The following KCND2 variants were observed in gnomAD, a reference collection of about 807,000 sequenced individuals.
KCND2 encodes potassium voltage-gated channel subfamily D member 2, also known as A-type voltage-gated potassium channel KCND2.
In KCND2, 16 loss-of-function variants were observed where a neutral mutation model predicts 54.4. The ratio of observed to expected loss-of-function variants is 0.29; its 90% CI spans 0.20 to 0.45. The LOEUF (loss-of-function observed/expected upper bound fraction) is 0.45. Among genes scored for constraint, KCND2 ranks in the 20% least tolerant of loss-of-function variants. The pLI is 1.00. For missense variants in KCND2, 486 were observed against 824.2 expected (o/e 0.59, Z 5.02); for synonymous variants, 317 against 310.7 (o/e 1.02, Z -0.21).
At chr7:120,589,347 T>C (rs1792641754) in intron 1 of KCND2, among the ~76,000 whole-genome samples, 1 of 152,256 alleles carries the variant, frequency 6.6e-6, no homozygotes, top group African/African-American at 2.4e-5. Flanking sequence ...ATTTAATTTT[T>C]ACCATTCTTA....
chr7:120,605,065 A>T (rs1792864324), intron 1 of KCND2, among the ~76,000 whole-genome samples: 1 of 152,338 alleles, frequency 6.6e-6, no homozygotes, highest in African/African-American at 2.4e-5. Flanking sequence ...ACATCAGTAC[A>T]TATAAGTCTG....
At chr7:120,488,516 T>C (rs959852844) in intron 1 of KCND2, among the ~76,000 whole-genome samples, 3 of 152,114 alleles carry the variant, frequency 2.0e-5, no homozygotes, top group African/African-American at 7.2e-5. Flanking sequence ...GTGTGATACA[T>C]AGAAAGAAAA....
chr7:120,510,624 ACT>A, intron 1 of KCND2, among the ~76,000 whole-genome samples: 2 of 152,148 alleles, frequency 1.3e-5, no homozygotes, highest in East Asian at 1.9e-4. Flanking sequence ...ATTTTTAATA[ACT>A]CTCTATGAAT....
In KCND2 at chr7:120,655,592, G is replaced by A. The variant is rs1372162313; in HGVS notation, c.1116-77311G>A. 2.0e-5 allele frequency among the ~76,000 whole-genome samples: 3 copies of A among 152,016 alleles called. No homozygotes were observed. In the East Asian group the frequency reaches 5.8e-4, roughly 29 times the overall value. On this transcript the variant is annotated intron_variant, in intron 1 of 5. Coordinates refer to ENST00000331113, the MANE Select transcript of KCND2 (RefSeq NM_012281.3). ...AAAAACATATTTCTTAAAGAGCATT[G>A]AGTTTTCCAGCAAACTCTCATGCTC...
At chr7:120,742,249 A>G (rs1206756322) in intron 3 of KCND2, 7 of 438,426 alleles carry the variant, frequency 1.6e-5, no homozygotes, top group Non-Finnish European at 2.5e-5. Flanking sequence ...TCTTACAAAC[A>G]TAGTTGCTAG....
intron 1 of KCND2, among the ~76,000 whole-genome samples, chr7:120,296,255 C>G (rs1398713781): frequency 6.6e-6 from 1 of 151,994 alleles, no homozygotes; most frequent in Non-Finnish European, 1.5e-5. Flanking sequence ...CTTTGGAAAG[C>G]TATGTTTTAC....
intron 1 of KCND2, among the ~76,000 whole-genome samples, chr7:120,524,050 A>G (rs1289798081): frequency 6.6e-6 from 1 of 151,978 alleles, no homozygotes; most frequent in African/African-American, 2.4e-5. Flanking sequence ...GGACTGTGCA[A>G]CATGGTGAAA....
chr7:120,703,407 G>A (rs1485592307), intron 1 of KCND2, among the ~76,000 whole-genome samples: 1 of 152,170 alleles, frequency 6.6e-6, no homozygotes, highest in Non-Finnish European at 1.5e-5. Flanking sequence ...TTCAAAGGTT[G>A]TGAACCCTAT....
At chr7:120,505,619 C>T (rs1395226478) in intron 1 of KCND2, among the ~76,000 whole-genome samples, 1 of 151,730 alleles carries the variant, frequency 6.6e-6, no homozygotes, top group East Asian at 1.9e-4. Context: ...ATCTCTTGCC[C>T]ATGGACCTGT....
intron 1 of KCND2, among the ~76,000 whole-genome samples, chr7:120,643,069 G>GA (rs1458310719): frequency 1.3e-5 from 2 of 152,208 alleles, no homozygotes; most frequent in Non-Finnish European, 2.9e-5. Context: ...ACACAAGTGT[G>GA]AAAAAAAGTT....
In KCND2 at chr7:120,457,488, C is replaced by T. The variant is rs527919640; in HGVS notation, c.1115+181741C>T. On this transcript the variant is annotated intron_variant, in intron 1 of 5. Transcript: ENST00000331113. Reference sequence around the variant, plus strand: ...ATATCTCTAGGGCAGGTGCAAAATGCTGTCAGTCTCTTTGCTAAAGCACAG... The same window carrying T: ...ATATCTCTAGGGCAGGTGCAAAATGTTGTCAGTCTCTTTGCTAAAGCACAG... 5.3e-5 allele frequency among the ~76,000 whole-genome samples: 8 copies of T among 152,302 alleles called. No individual in the cohort carries two copies. In the East Asian group the frequency reaches 1.3e-3, roughly 26 times the overall value.
At chr7:120,518,156 A>G (rs1339033649) in intron 1 of KCND2, among the ~76,000 whole-genome samples, 2 of 152,156 alleles carry the variant, frequency 1.3e-5, no homozygotes, top group Non-Finnish European at 2.9e-5. Context: ...CACTTGTGGC[A>G]TTGTACTAGA....
intron 1 of KCND2, among the ~76,000 whole-genome samples, chr7:120,589,146 A>C (rs951640655): frequency 6.6e-6 from 1 of 152,174 alleles, no homozygotes; most frequent in African/African-American, 2.4e-5. Flanking sequence ...ATAGCTATAG[A>C]CTCCATCTTT....
At chr7:120,410,365 T>C (rs1290162561) in intron 1 of KCND2, among the ~76,000 whole-genome samples, 1 of 151,986 alleles carries the variant, frequency 6.6e-6, no homozygotes, top group East Asian at 1.9e-4. Flanking sequence ...CTTTTTTGGC[T>C]ATTATAGGTT....
At chr7:120,732,712 A>C (rs1792822866) in intron 1 of KCND2, among the ~76,000 whole-genome samples, 191 bp from the exon 2 acceptor site, 1 of 152,184 alleles carries the variant, frequency 6.6e-6, no homozygotes, top group African/African-American at 2.4e-5. Flanking sequence ...TATAAGGTTG[A>C]AAGGTAATTT....
intron 1 of KCND2, among the ~76,000 whole-genome samples, chr7:120,382,420 A>G (rs1215047957): frequency 2.0e-5 from 3 of 151,948 alleles, no homozygotes; most frequent in African/African-American, 7.2e-5. Context: ...AATAATTCTA[A>G]TACATTTTTG....
intron 1 of KCND2, among the ~76,000 whole-genome samples, chr7:120,527,437 A>G (rs1791790488): frequency 3.3e-5 from 5 of 152,148 alleles, no homozygotes; most frequent in Admixed American, 3.3e-4. Flanking sequence ...GAGGTTGCTA[A>G]GTATACATTA....
chr7:120,535,196 C>T (rs769564691), intron 1 of KCND2, among the ~76,000 whole-genome samples: 2 of 152,154 alleles, frequency 1.3e-5, no homozygotes, highest in African/African-American at 2.4e-5. Context: ...ATTATTCCTT[C>T]TCACAAATAA....
At chr7:120,385,196 G>T (rs1413223592) in intron 1 of KCND2, among the ~76,000 whole-genome samples, 1 of 151,012 alleles carries the variant, frequency 6.6e-6, no homozygotes, top group Non-Finnish European at 1.5e-5. Flanking sequence ...TAGAGACGGG[G>T]TTTTATCATG....
Sources: gnomAD v4.1 joint callset for allele counts (sites outside exome capture counted in the v4.1 genomes callset) on GRCh38, gnomAD v4.1.1 for gene constraint, MANE v1.5 for transcripts, NCBI Gene and HGNC (gene_info 2026-07-23, HGNC 2026-07-21) for gene names.